The following TMEM108 variants were observed in gnomAD, a reference collection of about 807,000 sequenced individuals.
The protein encoded by TMEM108 is cancer/testis antigen 124.
Under a neutral mutation model 35.1 loss-of-function variants are expected in TMEM108, and 12 were observed. That is an observed-to-expected ratio of 0.34 (90% CI 0.22 to 0.55). The LOEUF (loss-of-function observed/expected upper bound fraction) is 0.55, where lower values mean the gene tolerates loss of function less well. Among genes scored for constraint, TMEM108 ranks in the 20% least tolerant of loss-of-function variants. The probability of loss-of-function intolerance (pLI) is 0.89; values close to 1 mark genes in which losing one functional copy is unlikely to be tolerated. For synonymous variants in TMEM108, 287 were observed against 308.6 expected, an observed-to-expected ratio of 0.93 and a Z score of 0.73; for missense variants, 680 against 753.3, an observed-to-expected ratio of 0.90 and a Z score of 1.14.
chr3:133,239,260 A>G (rs78394901), intron 3 of TMEM108, among the ~76,000 whole-genome samples: 6,790 of 152,242 alleles, frequency 0.045, 191 homozygotes, highest in Non-Finnish European at 0.065. Context: ...TTGTGCTACT[A>G]GCAGTGGCTG....
intron 3 of TMEM108, among the ~76,000 whole-genome samples, chr3:133,312,734 T>A (rs1440719762): frequency 6.6e-6 from 1 of 152,314 alleles, no homozygotes; most frequent in South Asian, 2.1e-4. Flanking sequence ...GTGGGCTGCA[T>A]CCACTGTCCA....
chr3:133,216,666 A>G (rs1246814487), intron 2 of TMEM108, among the ~76,000 whole-genome samples: 1 of 151,930 alleles, frequency 6.6e-6, no homozygotes, highest in Non-Finnish European at 1.5e-5. Flanking sequence ...TTTAGATTAA[A>G]CGTATAAGTG....
rs2073173045 is a variant in TMEM108, at chr3:133,387,671, G to A, written c.1451-2509G>A. 4 of 679,560 alleles carry A rather than the reference G, an allele frequency of 5.9e-6. No homozygotes were observed. The South Asian group carries it at 2.6e-4, about 45-fold the overall frequency. The allele number at this position is 679,560 out of a possible 1,614,324, so 42.1% of individuals were successfully genotyped here. A position where few individuals can be genotyped will look rare whatever the true frequency, so the allele number is the denominator to read the frequency against. ...ATAAGAATGTAGGCTGGGGGAAGGG[G>A]CTGATTTGTTTCAGCACCTACTGTG... On this transcript the variant is annotated intron_variant, in intron 4 of 5. Transcript: ENST00000321871.
intron 2 of TMEM108, among the ~76,000 whole-genome samples, chr3:133,164,824 T>C (rs2070673097): frequency 6.6e-6 from 1 of 152,168 alleles, no homozygotes; most frequent in Non-Finnish European, 1.5e-5. Context: ...GAGGTCTCAT[T>C]TTTATTGAAA....
chr3:133,219,103 G>A (rs4459903), intron 2 of TMEM108, among the ~76,000 whole-genome samples: 47,989 of 151,632 alleles, frequency 0.32, 8,426 homozygotes, highest in East Asian at 0.47. Context: ...TTCATGATTC[G>A]CTCTTAGTAG....
chr3:133,318,169 T>G (rs2071221908), intron 3 of TMEM108, among the ~76,000 whole-genome samples: 1 of 152,188 alleles, frequency 6.6e-6, no homozygotes, highest in Admixed American at 6.5e-5. Context: ...GATTTCAAAC[T>G]TTAAAAGTGA....
chr3:133,272,398 C>T (rs563439034), intron 3 of TMEM108, among the ~76,000 whole-genome samples: 1 of 151,906 alleles, frequency 6.6e-6, no homozygotes, highest in African/African-American at 2.4e-5. Flanking sequence ...ACCCTATGGT[C>T]ATTACTGCAA....
chr3:133,256,944 C>T (rs1485549309), intron 3 of TMEM108: 1 of 152,150 alleles, frequency 6.6e-6, no homozygotes, highest in Admixed American at 6.5e-5. Context: ...CAGTCTTACC[C>T]GTGAACATAG....
chr3:133,044,048 C>A (rs1043902487), intron 1 of TMEM108, among the ~76,000 whole-genome samples: 21 of 152,130 alleles, frequency 1.4e-4, no homozygotes, highest in African/African-American at 4.6e-4. Context: ...GCCATGGTGA[C>A]CCATGTTGGT....
intron 2 of TMEM108, among the ~76,000 whole-genome samples, chr3:133,186,475 G>A (rs1022610478): frequency 2.0e-5 from 3 of 152,200 alleles, no homozygotes; most frequent in Non-Finnish European, 4.4e-5. Flanking sequence ...AAAAGGCATA[G>A]CATCAGCTAC....
rs1398519635 is a variant in TMEM108 at position 133,346,701 on chromosome 3, A to G, written c.41-33051A>G. 6.6e-6 allele frequency among the ~76,000 whole-genome samples: 1 copy of G among 151,926 alleles called. No individual in the cohort carries two copies. The highest frequency in any genetic ancestry group is 1.5e-5 in the Non-Finnish European group (1 of 67,888). On this transcript the variant is annotated intron_variant, in intron 3 of 5. Coordinates refer to ENST00000321871, the MANE Select transcript of TMEM108 (RefSeq NM_023943.4). The surrounding 1 kb of genome is among the most constrained non-coding windows in gnomAD (Gnocchi z 4.0). ...TCATAGGCTTTGCTTTTTGTGTTGT[A>G]TCTAAAAACTCATGAAACCCAAAGT...
chr3:133,166,921 T>C (rs1198446486), intron 2 of TMEM108, among the ~76,000 whole-genome samples: 1 of 152,174 alleles, frequency 6.6e-6, no homozygotes, highest in Non-Finnish European at 1.5e-5. Context: ...AGCTGATTGG[T>C]CCGTTTTACA....
chr3:133,386,506 C>T (rs1231090709), intron 4 of TMEM108: 1 of 1,535,252 alleles, frequency 6.5e-7, no homozygotes, highest in Non-Finnish European at 8.7e-7. Flanking sequence ...AGTGACCCCT[C>T]TTCTTCCTGT....
intron 2 of TMEM108, among the ~76,000 whole-genome samples, chr3:133,105,894 G>A (rs542574450): frequency 6.6e-6 from 1 of 152,218 alleles, no homozygotes; most frequent in East Asian, 1.9e-4. Context: ...TGTACCCCAT[G>A]GGCAGTGGGT....
chr3:133,142,869 G>C (rs999238286), intron 2 of TMEM108, among the ~76,000 whole-genome samples: 1 of 152,140 alleles, frequency 6.6e-6, no homozygotes. Context: ...CCTAGTTGTA[G>C]TATGTTGTCA....
At chr3:133,100,707 T>G (rs1168060759) in intron 2 of TMEM108, among the ~76,000 whole-genome samples, 1 of 152,232 alleles carries the variant, frequency 6.6e-6, no homozygotes, top group Non-Finnish European at 1.5e-5. Context: ...AGGACTTTGA[T>G]TCCACCATCC....
At chr3:133,083,052 C>G (rs1245423714) in intron 2 of TMEM108, among the ~76,000 whole-genome samples, 1 of 152,100 alleles carries the variant, frequency 6.6e-6, no homozygotes, top group East Asian at 1.9e-4. Flanking sequence ...AGAAGTTAAA[C>G]AACCCACTAA....
chr3:133,201,105 T>G (rs1359108036), intron 2 of TMEM108, among the ~76,000 whole-genome samples: 2 of 152,214 alleles, frequency 1.3e-5, no homozygotes, highest in African/African-American at 4.8e-5. Context: ...TCAAGACACA[T>G]GAAATTTCTG....
intron 2 of TMEM108, among the ~76,000 whole-genome samples, chr3:133,194,961 A>T (rs1285918968): frequency 6.6e-6 from 1 of 152,232 alleles, no homozygotes; most frequent in Non-Finnish European, 1.5e-5. Flanking sequence ...TAGATGACAG[A>T]TGACTATTTA....
Sources: allele counts gnomAD v4.1 joint callset (sites outside exome capture counted in the v4.1 genomes callset), GRCh38; gene constraint gnomAD v4.1.1; non-coding constraint Gnocchi (gnomAD v3.1); transcripts MANE v1.5; gene names NCBI Gene and HGNC (gene_info 2026-07-23, HGNC 2026-07-21).